RAPGEF2: variants seen among roughly 807,000 people sequenced by gnomAD.
RAPGEF2 encodes the protein Rap guanine nucleotide exchange factor 2, also known as PDZ domain containing guanine nucleotide exchange factor (GEF) 1.
In RAPGEF2, 54 loss-of-function variants were observed where a neutral mutation model predicts 186.7. The ratio of observed to expected loss-of-function variants is 0.29; its 90% CI spans 0.23 to 0.36. The LOEUF is 0.36. Ranked by LOEUF, RAPGEF2 falls within the 10% of genes least tolerant of loss-of-function variation. RAPGEF2 has a pLI of 1.00. For missense variants in RAPGEF2, 1,532 were observed against 2,045.0 expected (o/e 0.75, Z 4.84); for synonymous variants, 712 against 705.9 (o/e 1.01, Z -0.14).
chr4:159,343,605 TAAA>T (rs1729852702), intron 22 of RAPGEF2, among the ~76,000 whole-genome samples: 1 of 152,228 alleles, frequency 6.6e-6, no homozygotes, highest in African/African-American at 2.4e-5. Flanking sequence ...CGGCTGTCAG[TAAA>T]AACAGTTTGT....
chr4:159,216,718 G>A (rs1172198167), intron 4 of RAPGEF2, among the ~76,000 whole-genome samples: 1 of 152,152 alleles, frequency 6.6e-6, no homozygotes, highest in Admixed American at 6.5e-5. Context: ...GGTAACACTG[G>A]CAGAAGGTTG....
chr4:159,205,070 G>A (rs78784175), intron 3 of RAPGEF2, among the ~76,000 whole-genome samples: 1 of 152,130 alleles, frequency 6.6e-6, no homozygotes, highest in East Asian at 1.9e-4. Context: ...TATGTACCTA[G>A]TTGCATGGAT....
At chr4:159,350,999 C>G in intron 26 of RAPGEF2, 1 of 1,458,128 alleles carries the variant, frequency 6.9e-7, no homozygotes, top group Non-Finnish European at 9.3e-7. Flanking sequence ...GTATGGGTAT[C>G]AGTCTCTCCT....
intron 22 of RAPGEF2, among the ~76,000 whole-genome samples, 196 bp downstream of exon 22, chr4:159,343,600 G>A (rs1304268061): frequency 6.6e-6 from 1 of 152,166 alleles, no homozygotes. Flanking sequence ...TCTTTCGGCT[G>A]TCAGTAAAAA....
At chr4:159,330,295 G>GTGTGTGTGTGTGTGTGTA (rs1554038040) in intron 12 of RAPGEF2, 39 bp from the exon 13 acceptor site, 920 of 924,020 alleles carry the variant, frequency 1.0e-3, no homozygotes, top group African/African-American at 7.0e-3. Flanking sequence ...GTGTGTGTGT[G>GTGTGTGTGTGTGTGTGTA]TATATATATG....
intron 1 of RAPGEF2, among the ~76,000 whole-genome samples, chr4:159,104,750 T>A (rs951829232): frequency 6.6e-6 from 1 of 152,240 alleles, no homozygotes; most frequent in South Asian, 2.1e-4. Context: ...TTGAAAGGTA[T>A]AGGAGGAAAC....
intron 1 of RAPGEF2, among the ~76,000 whole-genome samples, chr4:159,121,673 A>C (rs1242964411): frequency 6.6e-6 from 1 of 152,024 alleles, no homozygotes; most frequent in Non-Finnish European, 1.5e-5. Flanking sequence ...AAATATATTA[A>C]AAAAATTTTT....
At chr4:159,133,026 A>G (rs1246083989) in intron 1 of RAPGEF2, among the ~76,000 whole-genome samples, 1 of 152,098 alleles carries the variant, frequency 6.6e-6, no homozygotes, top group Non-Finnish European at 1.5e-5. Flanking sequence ...CTTCCCAAAA[A>G]TTAAAAAAAT....
intron 3 of RAPGEF2, among the ~76,000 whole-genome samples, chr4:159,204,838 G>C (rs1749805020): frequency 6.6e-6 from 1 of 152,130 alleles, no homozygotes; most frequent in African/African-American, 2.4e-5. Flanking sequence ...CCCCTGATTA[G>C]AGAGACTCGC....
intron 11 of RAPGEF2, among the ~76,000 whole-genome samples, chr4:159,324,095 C>T (rs914354283): frequency 4.0e-5 from 6 of 151,846 alleles, no homozygotes; most frequent in African/African-American, 7.3e-5. Flanking sequence ...TGGGGTTTCA[C>T]CATATTGGCC....
At chr4:159,304,265 G>T in intron 7 of RAPGEF2, 77 bp from the exon 8 acceptor site, 1 of 1,317,638 alleles carries the variant, frequency 7.6e-7, no homozygotes, top group Middle Eastern at 1.9e-4. Context: ...AATAAAATAT[G>T]ATATTTTAAT....
At position 159,275,634 on chromosome 4, in the gene RAPGEF2, C is replaced by T. The variant is rs186769512; in HGVS notation, c.544-28708C>T. ...AAAAATTGAGTTTTGAGAATATACGCTCTATCTCTTGTCATAGATGTTTTA... is the reference window on the plus strand; with the variant it reads ...AAAAATTGAGTTTTGAGAATATACGTTCTATCTCTTGTCATAGATGTTTTA... On this transcript the variant is annotated intron_variant, in intron 7 of 29. Coordinates refer to ENST00000691494, the MANE Select transcript of RAPGEF2 (RefSeq NM_001394067.2). Among the ~76,000 whole-genome samples the T allele has an allele frequency of 2.0e-5, 3 of 152,178 alleles. No individual in the cohort carries two copies. In the East Asian group the frequency reaches 5.8e-4, roughly 29 times the overall value.
At chr4:159,164,247 G>T (rs915732227) in intron 1 of RAPGEF2, among the ~76,000 whole-genome samples, 1 of 150,402 alleles carries the variant, frequency 6.6e-6, no homozygotes, top group African/African-American at 2.4e-5. Flanking sequence ...CTTGTGATCC[G>T]CCCGCCTCAG....
chr4:159,129,058 A>G (rs1316657059), intron 1 of RAPGEF2, among the ~76,000 whole-genome samples: 1 of 151,200 alleles, frequency 6.6e-6, no homozygotes, highest in Non-Finnish European at 1.5e-5. Context: ...GATTATTGAA[A>G]TCTGTCATCA....
At chr4:159,104,260 G>A in intron 1 of RAPGEF2, 29 bp downstream of exon 1, 1 of 1,370,106 alleles carries the variant, frequency 7.3e-7, no homozygotes, top group Non-Finnish European at 9.5e-7. Flanking sequence ...CCTGCCCTTG[G>A]CCGGATTTCT....
intron 8 of RAPGEF2, among the ~76,000 whole-genome samples, chr4:159,306,005 C>G (rs1763240051): frequency 6.6e-6 from 1 of 152,004 alleles, no homozygotes; most frequent in South Asian, 2.1e-4. Flanking sequence ...TTATTTTGTT[C>G]CATTGATCTA....
Position 159,193,979 on chromosome 4 carries a change from A to G in RAPGEF2, c.197+723A>G, listed in dbSNP as rs181539867. ...ATCTGTTGAGGAAGGTAGAAATAGA[A>G]TACAAGGAAAACAACAACAACAGAA... On this transcript the variant is annotated intron_variant, in intron 3 of 29. Coordinates refer to ENST00000691494, the MANE Select transcript of RAPGEF2 (RefSeq NM_001394067.2). Among the ~76,000 whole-genome samples, 332 of 152,322 alleles carry G rather than the reference A, an allele frequency of 2.2e-3. 2 individuals are homozygous for G. The highest frequency in any genetic ancestry group is 7.4e-3 in the African/African-American group (308 of 41,562).
At chr4:159,220,033 G>A (rs11730098) in intron 4 of RAPGEF2, among the ~76,000 whole-genome samples, 46,901 of 152,132 alleles carry the variant, frequency 0.31, 7,938 homozygotes, top group African/African-American at 0.43. Flanking sequence ...GGGACATTCA[G>A]TAATGAGAGA....
At chr4:159,249,228 A>ATTT (rs112503514) in intron 7 of RAPGEF2, among the ~76,000 whole-genome samples, 1 of 137,208 alleles carries the variant, frequency 7.3e-6, no homozygotes, top group African/African-American at 2.6e-5. Flanking sequence ...TTATCATGTG[A>ATTT]TTTTTTTTTT....
Sources: gnomAD v4.1 joint callset for allele counts (sites outside exome capture counted in the v4.1 genomes callset) on GRCh38, gnomAD v4.1.1 for gene constraint, MANE v1.5 for transcripts, NCBI Gene and HGNC (gene_info 2026-07-23, HGNC 2026-07-21) for gene names.